LRRTM3: variants seen among roughly 807,000 people sequenced by gnomAD.
LRRTM3 encodes leucine-rich repeat transmembrane neuronal protein 3.
LRRTM3 carries 24 observed loss-of-function variants against 44.7 expected under a neutral mutation model. The ratio of observed to expected loss-of-function variants is 0.54; its 90% CI spans 0.39 to 0.76. The LOEUF (loss-of-function observed/expected upper bound fraction) is 0.76, where lower values mean the gene tolerates loss of function less well. LRRTM3 is among the 30% of genes least tolerant of loss of function. LRRTM3 has a pLI of 0.00. For missense variants in LRRTM3, 587 were observed against 702.2 expected, an observed-to-expected ratio of 0.84 and a Z score of 1.85; for synonymous variants, 277 against 278.7, an observed-to-expected ratio of 0.99 and a Z score of 0.06.
Position 66,926,568 on chromosome 10 carries a change from T to C in LRRTM3, c.-16T>C. Reference sequence around the variant, plus strand: ...AAAGCAAAAGACCTAAGGACGACCTTTGAACAATACAAAGGATGGGTATGT... The same window carrying C: ...AAAGCAAAAGACCTAAGGACGACCTCTGAACAATACAAAGGATGGGTATGT... On this transcript the variant is annotated 5_prime_UTR_variant, in exon 1 of 3. Coordinates refer to ENST00000361320, the MANE Select transcript of LRRTM3 (RefSeq NM_178011.5). The C allele has an allele frequency of 6.2e-7, 1 of 1,613,936 alleles. No homozygotes were observed. The highest frequency in any genetic ancestry group is 8.5e-7 in the Non-Finnish European group (1 of 1,179,948).
chr10:67,038,532 C>T (rs1854206012), intron 2 of LRRTM3, among the ~76,000 whole-genome samples: 1 of 152,044 alleles, frequency 6.6e-6, no homozygotes, highest in South Asian at 2.1e-4. Context: ...ATTCTGATAT[C>T]ATGGAAATTT....
At chr10:66,936,247 A>G (rs1468720771) in intron 2 of LRRTM3, among the ~76,000 whole-genome samples, 1 of 152,150 alleles carries the variant, frequency 6.6e-6, no homozygotes. Flanking sequence ...ATTAAGCTAG[A>G]TATAGACGAA....
intron 2 of LRRTM3, chr10:67,015,274 T>C (rs1589605732): frequency 6.6e-6 from 1 of 152,198 alleles, no homozygotes; most frequent in Non-Finnish European, 1.5e-5. Flanking sequence ...TATCCATAGA[T>C]AGATTTGATG....
chr10:66,939,676 T>C (rs1296551968), intron 2 of LRRTM3, among the ~76,000 whole-genome samples: 2 of 152,186 alleles, frequency 1.3e-5, no homozygotes, highest in Non-Finnish European at 2.9e-5. Context: ...ATGTGAAGTA[T>C]CTGTCAGCCT....
At chr10:67,024,755 C>A (rs1853246788) in intron 2 of LRRTM3, among the ~76,000 whole-genome samples, 2 of 152,120 alleles carry the variant, frequency 1.3e-5, no homozygotes, top group Non-Finnish European at 2.9e-5. Context: ...ACTAAACATT[C>A]TTTGGCATGT....
At chr10:67,057,742 T>C (rs998663238) in intron 2 of LRRTM3, among the ~76,000 whole-genome samples, 2 of 152,086 alleles carry the variant, frequency 1.3e-5, no homozygotes, top group Non-Finnish European at 2.9e-5. Flanking sequence ...CACGATGAGC[T>C]TCTTCTTCAC....
At chr10:67,054,025 C>A (rs1855276288) in intron 2 of LRRTM3, among the ~76,000 whole-genome samples, 1 of 152,100 alleles carries the variant, frequency 6.6e-6, no homozygotes, top group African/African-American at 2.4e-5. Flanking sequence ...AGCCCACTGA[C>A]CAGTTTCCTT....
chr10:66,978,067 TACAC>T (rs3056586), intron 2 of LRRTM3, among the ~76,000 whole-genome samples: 30,071 of 113,614 alleles, frequency 0.26, 3,373 homozygotes, highest in African/African-American at 0.33. Context: ...TATATATATA[TACAC>T]ACACACACAC....
At chr10:67,086,802 ATC>A (rs1857336937) in intron 2 of LRRTM3, among the ~76,000 whole-genome samples, 1 of 152,020 alleles carries the variant, frequency 6.6e-6, no homozygotes, top group Non-Finnish European at 1.5e-5. Flanking sequence ...AAACACTAGT[ATC>A]TGTTATGTTT....
At chr10:67,032,438 T>A (rs1853788306) in intron 2 of LRRTM3, among the ~76,000 whole-genome samples, 1 of 152,142 alleles carries the variant, frequency 6.6e-6, no homozygotes, top group African/African-American at 2.4e-5. Context: ...TATGAGTTTG[T>A]TTTACAAAAT....
At chr10:67,029,944 G>A (rs1453927864) in intron 2 of LRRTM3, among the ~76,000 whole-genome samples, 2 of 152,222 alleles carry the variant, frequency 1.3e-5, no homozygotes, top group Non-Finnish European at 2.9e-5. Context: ...AGTTCTGTCA[G>A]ACAACACTGA....
intron 2 of LRRTM3, among the ~76,000 whole-genome samples, chr10:67,096,028 C>A (rs1020368078): frequency 6.6e-6 from 1 of 151,736 alleles, no homozygotes; most frequent in East Asian, 1.9e-4. Flanking sequence ...TTCATTCACG[C>A]ATCAGATAAC....
At chr10:66,932,698 TAAAG>T (rs3056555) in intron 2 of LRRTM3, among the ~76,000 whole-genome samples, 105,218 of 151,424 alleles carry the variant, frequency 0.69, 38,208 homozygotes, top group South Asian at 0.8. Flanking sequence ...AAAAATGAAT[TAAAG>T]AAATAATAAT....
intron 2 of LRRTM3, among the ~76,000 whole-genome samples, chr10:66,948,265 G>A (rs933326869): frequency 1.3e-5 from 2 of 152,118 alleles, no homozygotes; most frequent in South Asian, 2.1e-4. Flanking sequence ...TTGAGGCATC[G>A]TATAACATAG....
chr10:67,003,601 A>G (rs1851803628), intron 2 of LRRTM3, among the ~76,000 whole-genome samples: 1 of 152,190 alleles, frequency 6.6e-6, no homozygotes, highest in African/African-American at 2.4e-5. Flanking sequence ...AACTCACGCA[A>G]TTGCAAAACT....
At chr10:66,953,472 T>C (rs1016851521) in intron 2 of LRRTM3, among the ~76,000 whole-genome samples, 39 of 152,194 alleles carry the variant, frequency 2.6e-4, no homozygotes, top group African/African-American at 9.4e-4. Context: ...ATTTTTTTTC[T>C]GTACTTTCCC....
chr10:67,058,503 A>C (rs1855571021), intron 2 of LRRTM3, among the ~76,000 whole-genome samples: 1 of 152,212 alleles, frequency 6.6e-6, no homozygotes. Flanking sequence ...TGAAAGAAAT[A>C]TCTTTGGCCC....
At chr10:66,944,229 T>C (rs1389940251) in intron 2 of LRRTM3, among the ~76,000 whole-genome samples, 2 of 152,224 alleles carry the variant, frequency 1.3e-5, no homozygotes, top group Non-Finnish European at 2.9e-5. Context: ...TTCTAAATCA[T>C]TTGTTATTAT....
At position 67,101,049 on chromosome 10, in the gene LRRTM3, T is replaced by C. The variant is rs988192438; in HGVS notation, c.*3253T>C. Among the ~76,000 whole-genome samples the C allele has an allele frequency of 1.3e-5, 2 of 151,808 alleles. No individual in the cohort carries two copies. The highest frequency in any genetic ancestry group is 2.9e-5 in the Non-Finnish European group (2 of 67,800). On this transcript the variant is annotated 3_prime_UTR_variant, in exon 3 of 3. Coordinates refer to ENST00000361320, the MANE Select transcript of LRRTM3 (RefSeq NM_178011.5). ...TAAAATATTAGCTAACTGAATTATT[T>C]CTGTGTTCTACTCTGGGCTCTCACA...
Sources: allele counts gnomAD v4.1 joint callset (sites outside exome capture counted in the v4.1 genomes callset), GRCh38; gene constraint gnomAD v4.1.1; transcripts MANE v1.5; gene names NCBI Gene and HGNC (gene_info 2026-07-23, HGNC 2026-07-21).